The following PAPOLA variants were observed in gnomAD, a reference collection of about 807,000 sequenced individuals.
The protein encoded by PAPOLA is poly(A) polymerase alpha.
PAPOLA carries 15 observed loss-of-function variants against 100.6 expected under a neutral mutation model. The observed-to-expected ratio is 0.15, with a 90% CI of 0.10 to 0.23. The LOEUF (loss-of-function observed/expected upper bound fraction) is 0.23. PAPOLA is among the 10% of genes least tolerant of loss of function. The pLI is 1.00. For missense variants in PAPOLA, 533 were observed against 884.2 expected, an observed-to-expected ratio of 0.60 and a Z score of 5.04; for synonymous variants, 293 against 300.0, an observed-to-expected ratio of 0.98 and a Z score of 0.24.
chr14:96,510,146 C>T (rs1897012726), intron 1 of PAPOLA, among the ~76,000 whole-genome samples: 1 of 151,826 alleles, frequency 6.6e-6, no homozygotes, highest in African/African-American at 2.4e-5. Flanking sequence ...TATATTTTGT[C>T]CAGAAATTGG....
chr14:96,540,326 G>A (rs1054064099), intron 12 of PAPOLA, among the ~76,000 whole-genome samples: 15 of 151,976 alleles, frequency 9.9e-5, no homozygotes, highest in Admixed American at 3.3e-4. Flanking sequence ...TTGTGTTTTT[G>A]TGTACATGCC....
At position 96,556,267 on chromosome 14, in the gene PAPOLA, C is replaced by T. The variant is rs755721143; in HGVS notation, c.1858C>T (p.Arg620Cys). 1.4e-5 allele frequency: 22 copies of T among 1,613,874 alleles called. No homozygotes were observed. The highest frequency in any genetic ancestry group is 9.4e-5 in the African/African-American group (7 of 74,866). The change falls in exon 19 of 22, where the codon CGT becomes TGT. Residue 620 changes from arginine to cysteine, a missense_variant. Around this residue, in one of 9 missense-constraint regions of PAPOLA, gnomAD observed 242 missense variants for 281.0 expected, o/e 0.86. Transcript: ENST00000216277. ...GGTCTCCAGAGTTGTTTCTTCAACACGTCTGGTAAACCCACCACCTAGATC... is the reference window on the plus strand; with the variant it reads ...GGTCTCCAGAGTTGTTTCTTCAACATGTCTGGTAAACCCACCACCTAGATC... ...PTVSRVVSSTRLVNPPPRSSG... is the reference protein window; with the variant it reads ...PTVSRVVSSTCLVNPPPRSSG...
chr14:96,503,492 A>C (rs941295424), intron 1 of PAPOLA, among the ~76,000 whole-genome samples: 1 of 151,054 alleles, frequency 6.6e-6, no homozygotes, highest in African/African-American at 2.4e-5. Flanking sequence ...ATAATTTGGC[A>C]GCTCATTGCC....
At chr14:96,551,703 G>A (rs892865864) in intron 16 of PAPOLA, among the ~76,000 whole-genome samples, 12 of 152,204 alleles carry the variant, frequency 7.9e-5, no homozygotes, top group African/African-American at 2.9e-4. Context: ...GTACCAAATA[G>A]CGAAAATTTA....
At chr14:96,510,706 G>T (rs1897056025) in intron 1 of PAPOLA, among the ~76,000 whole-genome samples, 1 of 152,132 alleles carries the variant, frequency 6.6e-6, no homozygotes, top group Non-Finnish European at 1.5e-5. Flanking sequence ...CTAAATATTG[G>T]CTGGATGGCC....
At chr14:96,512,400 C>G (rs1443777670) in intron 1 of PAPOLA, among the ~76,000 whole-genome samples, 1 of 152,100 alleles carries the variant, frequency 6.6e-6, no homozygotes. Flanking sequence ...ATATCTTTAT[C>G]TATATGACTA....
intron 1 of PAPOLA, among the ~76,000 whole-genome samples, chr14:96,503,149 A>C (rs1256689370): frequency 6.6e-6 from 1 of 152,202 alleles, no homozygotes; most frequent in Non-Finnish European, 1.5e-5. Context: ...GTCTGAATGT[A>C]GGAGCACGAG....
Position 96,527,591 on chromosome 14 carries a change from C to T in PAPOLA, c.441+52C>T, listed in dbSNP as rs370338381. 9.6e-5 allele frequency: 94 copies of T among 974,200 alleles called. No homozygotes were observed. In the African/African-American group the frequency reaches 1.3e-3, roughly 13 times the overall value. The allele number at this position is 974,200 out of a possible 1,614,324, so 60.3% of individuals were successfully genotyped here. On this transcript the variant is annotated intron_variant, in intron 5 of 21. Coordinates refer to ENST00000216277, the MANE Select transcript of PAPOLA (RefSeq NM_032632.5). Reference sequence around the variant, plus strand: ...GATGAGTTATGAACATTCATTTAGTCAGTTGAGTGAATTTTATGATATAGC... The same window carrying T: ...GATGAGTTATGAACATTCATTTAGTTAGTTGAGTGAATTTTATGATATAGC...
At position 96,556,348 on chromosome 14, in the gene PAPOLA, G is replaced by A. The variant is rs763180297; in HGVS notation, c.1939G>A (p.Val647Ile). The A allele has an allele frequency of 1.9e-6, 3 of 1,613,796 alleles. No homozygotes were observed. The highest frequency in any genetic ancestry group is 2.5e-6 in the Non-Finnish European group (3 of 1,179,768). ...AGCAACAAAAATACCTACTCCTATA[G>A]TAGGAGTCAAGAGGACATCCTCACC... is the stretch of plus-strand genomic sequence containing the variant. ...NAATKIPTPI[V>I]GVKRTSSPHK... The change falls in exon 19 of 22, where the codon GTA (valine) becomes ATA (isoleucine). Residue 647 changes from valine to isoleucine, a missense_variant. Physicochemically the swap from Val to Ile is conservative, Grantham distance 29. Around this residue, in one of 9 missense-constraint regions of PAPOLA, gnomAD observed 242 missense variants for 281.0 expected, o/e 0.86. Coordinates refer to ENST00000216277, the MANE Select transcript of PAPOLA (RefSeq NM_032632.5).
At chr14:96,564,577 T>G (rs1489956762) in intron 21 of PAPOLA, among the ~76,000 whole-genome samples, 1 of 152,086 alleles carries the variant, frequency 6.6e-6, no homozygotes, top group Non-Finnish European at 1.5e-5. Flanking sequence ...ATTCTCCCAC[T>G]TGGGGGTGCT....
chr14:96,540,037 T>C (rs1167621197), intron 12 of PAPOLA, among the ~76,000 whole-genome samples: 1 of 152,200 alleles, frequency 6.6e-6, no homozygotes, highest in Non-Finnish European at 1.5e-5. Context: ...AATGTGTGCA[T>C]TTGTGTGTAA....
chr14:96,508,074 C>T (rs937827365), intron 1 of PAPOLA, among the ~76,000 whole-genome samples: 2 of 152,016 alleles, frequency 1.3e-5, no homozygotes, highest in African/African-American at 2.4e-5. Context: ...CAGAGTTTCC[C>T]TGTATTGGCC....
chr14:96,531,416 A>G (rs1448200847), intron 6 of PAPOLA, 59 bp from the exon 7 acceptor site: 2 of 1,326,748 alleles, frequency 1.5e-6, no homozygotes, highest in Middle Eastern at 2.1e-4. Flanking sequence ...TTGTTTTTTC[A>G]TAGAAATGCC....
rs372758400 is a variant in PAPOLA at position 96,525,499 on chromosome 14, A to G, written c.331+108A>G. The G allele has an allele frequency of 4.3e-5, 24 of 557,534 alleles. No homozygotes were observed. The African/African-American group carries it at 4.7e-4, about 11-fold the overall frequency. 34.5% of individuals were successfully genotyped at this position (557,534 alleles called of 1,614,324 possible). ...CATATAGCTTAGGCTTGCATGGAAG[A>G]GAGAGTGCTTTGAGGAGTCTAAATT... On this transcript the variant is annotated intron_variant, in intron 4 of 21. Coordinates refer to ENST00000216277, the MANE Select transcript of PAPOLA (RefSeq NM_032632.5).
chr14:96,520,337 G>C, intron 2 of PAPOLA, 109 bp downstream of exon 2: 2 of 789,808 alleles, frequency 2.5e-6, no homozygotes, highest in Admixed American at 2.8e-5. Flanking sequence ...TATTTGCCCA[G>C]ATCTATATAT....
At chr14:96,552,728 C>A in intron 17 of PAPOLA, 106 bp downstream of exon 17, 2 of 1,067,090 alleles carry the variant, frequency 1.9e-6, no homozygotes, top group Non-Finnish European at 1.3e-6. Flanking sequence ...TATTTTCATT[C>A]CATCTACTAA....
intron 1 of PAPOLA, among the ~76,000 whole-genome samples, chr14:96,512,647 T>G (rs1485080349): frequency 1.3e-5 from 2 of 152,122 alleles, no homozygotes; most frequent in Non-Finnish European, 1.5e-5. Flanking sequence ...TTCTGCAACT[T>G]TTTTTTCTCC....
At chr14:96,553,409 G>GCTGA (rs893147236) in intron 17 of PAPOLA, 6 of 152,266 alleles carry the variant, frequency 3.9e-5, no homozygotes, top group Non-Finnish European at 7.3e-5. Context: ...CACTCAGGAG[G>GCTGA]CTGAGGTGGG....
At chr14:96,535,604 C>T (rs1360097522) in intron 10 of PAPOLA, 27 of 1,078,266 alleles carry the variant, frequency 2.5e-5, no homozygotes, top group Non-Finnish European at 3.4e-6. Flanking sequence ...TCAATAGATT[C>T]CCAAGCAGAA....
Sources: gnomAD v4.1 joint callset for allele counts (sites outside exome capture counted in the v4.1 genomes callset) on GRCh38, gnomAD v4.1.1 for gene constraint, gnomAD v4.1.1 regional missense constraint, MANE v1.5 for transcripts, NCBI Gene and HGNC (gene_info 2026-07-23, HGNC 2026-07-21) for gene names.